PRPF18: variants seen among roughly 807,000 people sequenced by gnomAD.
PRPF18 encodes the protein pre-mRNA-splicing factor 18.
A neutral mutation model predicts 46.5 loss-of-function variants in PRPF18; 38 were observed. That is an observed-to-expected ratio of 0.82 (90% CI 0.63 to 1.07). The LOEUF is 1.07. Ranked by LOEUF, PRPF18 falls within the 50% of genes least tolerant of loss-of-function variation. The probability of loss-of-function intolerance (pLI) is 0.00; values close to 1 mark genes in which losing one functional copy is unlikely to be tolerated. For missense variants in PRPF18, 263 were observed against 410.0 expected, an observed-to-expected ratio of 0.64 and a Z score of 3.10; for synonymous variants, 152 against 146.7, an observed-to-expected ratio of 1.04 and a Z score of -0.26.
At chr10:13,614,651 G>C (rs945414378) in intron 8 of PRPF18, among the ~76,000 whole-genome samples, 5 of 152,186 alleles carry the variant, frequency 3.3e-5, no homozygotes, top group Admixed American at 6.5e-5. Context: ...CCTTGCCCCA[G>C]TGTCTATACT....
chr10:13,594,893 T>G lies in PRPF18; in HGVS notation c.67-2565T>G, dbSNP rs56272852. Among the ~76,000 whole-genome samples, 1,401 of 152,356 alleles carry G rather than the reference T, an allele frequency of 9.2e-3. 15 individuals carry two copies. Among genetic ancestry groups the G allele is most frequent in the Non-Finnish European group, 0.015 (1,048 of 68,036 alleles). On this transcript the variant is annotated intron_variant, in intron 1 of 9. Transcript: ENST00000378572. The stretch of plus-strand genomic sequence containing the variant: ...AAACAATTGCACAAGTGCTTTTCTT[T>G]GAGGAAACCATTCTACTTTAGTATG...
At chr10:13,622,563 G>A (rs928964931) in intron 9 of PRPF18, among the ~76,000 whole-genome samples, 10 of 152,154 alleles carry the variant, frequency 6.6e-5, no homozygotes, top group Non-Finnish European at 1.5e-4. Context: ...TTGTAATTTG[G>A]TGTAACTTTC....
At chr10:13,608,911 T>C (rs2080230291) in intron 4 of PRPF18, among the ~76,000 whole-genome samples, 1 of 152,202 alleles carries the variant, frequency 6.6e-6, no homozygotes, top group Non-Finnish European at 1.5e-5. Context: ...GAATCTTCAT[T>C]GGTAAAACAG....
the PRPF18 span, chr10:13,644,832 C>T: frequency 1.3e-5 from 2 of 152,252 alleles, no homozygotes; most frequent in South Asian, 4.1e-4. Context: ...GTAGCTCTAA[C>T]CATGAAAGTA....
chr10:13,614,094 C>A lies in PRPF18; in HGVS notation c.792+8C>A. On this transcript the variant is annotated splice_region_variant and intron_variant, in intron 8 of 9. Coordinates refer to ENST00000378572, the MANE Select transcript of PRPF18 (RefSeq NM_003675.4). ...CAGAGAGAATACGTGAAGGTACATT[C>A]CCATGCTGTTCTTTGAAATTGTTAA... 1.9e-6 allele frequency: 3 copies of A among 1,551,802 alleles called. No homozygotes were observed. Among genetic ancestry groups the A allele is most frequent in the Non-Finnish European group, 2.6e-6 (3 of 1,138,830 alleles).
the PRPF18 span, chr10:13,652,288 T>A: frequency 5.9e-4 from 236 of 399,690 alleles, no homozygotes; most frequent in Non-Finnish European, 9.8e-4. Context: ...TCACTAGTTG[T>A]AGGTGGTGAA....
downstream of PRPF18, among the ~76,000 whole-genome samples, chr10:13,632,250 A>C (rs987648529): frequency 6.6e-6 from 1 of 152,118 alleles, no homozygotes; most frequent in Non-Finnish European, 1.5e-5. Flanking sequence ...CTGAGGCAGG[A>C]GAATGGCGTG....
At chr10:13,609,421 A>G (rs900141905) in intron 4 of PRPF18, among the ~76,000 whole-genome samples, 1 of 152,116 alleles carries the variant, frequency 6.6e-6, no homozygotes, top group African/African-American at 2.4e-5. Context: ...ACTCTCAACC[A>G]TTACCCTATA....
chr10:13,640,960 C>T, the PRPF18 span: 1 of 152,442 alleles, frequency 6.6e-6, no homozygotes, highest in African/African-American at 2.4e-5. Context: ...GGTGGCCTAA[C>T]CTACCCTTCT....
At chr10:13,633,252 T>A (rs992464059), downstream of PRPF18, among the ~76,000 whole-genome samples, 1 of 152,192 alleles carries the variant, frequency 6.6e-6, no homozygotes, top group African/African-American at 2.4e-5. Context: ...AGAATGGAAC[T>A]TAGTGATCTG....
chr10:13,622,370 G>T (rs7099514), intron 9 of PRPF18, among the ~76,000 whole-genome samples: 25 of 152,156 alleles, frequency 1.6e-4, no homozygotes, highest in Non-Finnish European at 2.8e-4. Context: ...CTTTCTAGCT[G>T]GCAGCTTAGT....
At chr10:13,600,634 T>G (rs1193034436) in intron 3 of PRPF18, among the ~76,000 whole-genome samples, 1 of 152,210 alleles carries the variant, frequency 6.6e-6, no homozygotes, top group African/African-American at 2.4e-5. Flanking sequence ...TATTTATACT[T>G]AAATTATTTT....
chr10:13,590,620 C>CAA (rs35395677), intron 1 of PRPF18, among the ~76,000 whole-genome samples: 40 of 84,422 alleles, frequency 4.7e-4, no homozygotes, highest in African/African-American at 1.4e-3. Context: ...GACTCCATCT[C>CAA]AAAAAAAAAA....
At chr10:13,623,749 G>T (rs938351179) in intron 9 of PRPF18, among the ~76,000 whole-genome samples, 6 of 152,148 alleles carry the variant, frequency 3.9e-5, no homozygotes, top group African/African-American at 1.2e-4. Flanking sequence ...AATCTTTTTA[G>T]TGGATGCAGG....
chr10:13,609,047 G>T (rs1269339314), intron 4 of PRPF18, among the ~76,000 whole-genome samples: 1 of 152,222 alleles, frequency 6.6e-6, no homozygotes, highest in African/African-American at 2.4e-5. Flanking sequence ...TAAGTGTTTT[G>T]AGTTGAATGT....
At chr10:13,601,363 C>T (rs1386625117) in intron 3 of PRPF18, among the ~76,000 whole-genome samples, 2 of 152,102 alleles carry the variant, frequency 1.3e-5, no homozygotes, top group Non-Finnish European at 2.9e-5. Flanking sequence ...TTGATCAGTA[C>T]CAACTATTAT....
At chr10:13,623,623 C>A in intron 9 of PRPF18, among the ~76,000 whole-genome samples, 1 of 152,082 alleles carries the variant, frequency 6.6e-6, no homozygotes, top group Non-Finnish European at 1.5e-5. Context: ...TACTTATAAA[C>A]AAAATATCTT....
At chr10:13,587,234 T>A in intron 1 of PRPF18, 82 bp downstream of exon 1, 1 of 1,429,964 alleles carries the variant, frequency 7.0e-7, no homozygotes, top group Non-Finnish European at 9.8e-7. Flanking sequence ...GTGACGATAC[T>A]CAGAGGATTC....
the PRPF18 span, chr10:13,643,968 A>C: frequency 6.6e-6 from 1 of 152,660 alleles, no homozygotes; most frequent in Admixed American, 6.5e-5. Context: ...TCCATTTTAC[A>C]CAACTTGTAA....
Sources: allele counts gnomAD v4.1 joint callset (sites outside exome capture counted in the v4.1 genomes callset), GRCh38; gene constraint gnomAD v4.1.1; transcripts MANE v1.5; gene names NCBI Gene and HGNC (gene_info 2026-07-23, HGNC 2026-07-21).